RAB18: variants seen among roughly 807,000 people sequenced by gnomAD.
The protein encoded by RAB18 is RAB18, member RAS oncogene family, also known as ras-related protein Rab-18.
In RAB18, 10 loss-of-function variants were observed where a neutral mutation model predicts 28.5. That is an observed-to-expected ratio of 0.35 (90% CI 0.22 to 0.60). The LOEUF (loss-of-function observed/expected upper bound fraction) is 0.60. Ranked by LOEUF, RAB18 falls within the 20% of genes least tolerant of loss-of-function variation. The probability of loss-of-function intolerance (pLI) is 0.78; values close to 1 mark genes in which losing one functional copy is unlikely to be tolerated. For synonymous variants in RAB18, 93 were observed against 86.9 expected, an observed-to-expected ratio of 1.07 and a Z score of -0.39; for missense variants, 188 against 244.2, an observed-to-expected ratio of 0.77 and a Z score of 1.53.
chr10:27,518,659 A>G (rs1477813932), intron 2 of RAB18, among the ~76,000 whole-genome samples: 2 of 151,978 alleles, frequency 1.3e-5, no homozygotes, highest in Non-Finnish European at 2.9e-5. Context: ...TATATTCTGC[A>G]TTTAAGTCTG....
At chr10:27,504,705 G>A (rs1414876404) in intron 1 of RAB18, 1 of 694,734 alleles carries the variant, frequency 1.4e-6, no homozygotes, top group Non-Finnish European at 2.7e-6. Context: ...CCATTCCGAG[G>A]GCCGCCGCTC....
rs1455217397 is a variant in RAB18, at chr10:27,537,897, A to G, written c.467A>G (p.Asp156Gly). Reference protein sequence around the residue: ...LFIEASAKTCDGVQCAFEELV... With the variant: ...LFIEASAKTCGGVQCAFEELV... ...TCAGAGGCAAGTGCAAAAACCTGTG[A>G]TGGTGTACAATGTGCCTTTGAAGAA... Residue 156 changes from aspartate (D) to glycine (G), a missense_variant, in exon 7 of 7, where the codon GAT becomes GGT. Physicochemically the swap from Asp to Gly is moderately conservative, Grantham distance 94 (BLOSUM62 -1). Coordinates refer to ENST00000356940, the MANE Select transcript of RAB18 (RefSeq NM_021252.5). 6.2e-7 allele frequency: 1 copy of G among 1,614,158 alleles called. No homozygotes were observed. The highest frequency in any genetic ancestry group is 8.5e-7 in the Non-Finnish European group (1 of 1,180,008).
chr10:27,536,070 A>G (rs1054842999), intron 6 of RAB18, among the ~76,000 whole-genome samples: 7 of 117,376 alleles, frequency 6.0e-5, no homozygotes, highest in Non-Finnish European at 1.2e-4. Flanking sequence ...CGACAGAGCG[A>G]GACTCTGTCT....
At chr10:27,518,868 T>A (rs1834490437) in intron 2 of RAB18, among the ~76,000 whole-genome samples, 1 of 152,106 alleles carries the variant, frequency 6.6e-6, no homozygotes, top group Admixed American at 6.5e-5. Flanking sequence ...TCCCCTATAT[T>A]TTCTTCCAGA....
At chr10:27,536,185 A>G (rs913733002) in intron 6 of RAB18, among the ~76,000 whole-genome samples, 4 of 152,108 alleles carry the variant, frequency 2.6e-5, no homozygotes, top group African/African-American at 4.8e-5. Flanking sequence ...TTGAGATAAG[A>G]GCAGGTTTAG....
chr10:27,525,054 A>G (rs1834644775), intron 2 of RAB18, among the ~76,000 whole-genome samples: 3 of 152,238 alleles, frequency 2.0e-5, no homozygotes, highest in African/African-American at 7.2e-5. Flanking sequence ...ATCCACATGC[A>G]AATTATTCTT....
In RAB18 at chr10:27,532,520, A is replaced by C; in HGVS notation, c.200A>C (p.Gln67Pro). 1.2e-6 allele frequency: 2 copies of C among 1,603,360 alleles called. No individual in the cohort carries two copies. Among genetic ancestry groups the C allele is most frequent in the Non-Finnish European group, 1.7e-6 (2 of 1,171,318 alleles). ...GATCATTTTTAGGATACTGCTGGTC[A>C]AGAGAGGTTTAGAACATTAACTCCC... ...AKLAIWDTAGQERFRTLTPSY... is the reference protein window; with the variant it reads ...AKLAIWDTAGPERFRTLTPSY... The change falls in exon 4 of 7, where the codon CAA (glutamine) becomes CCA (proline). Residue 67 changes from glutamine to proline, a missense_variant. Coordinates refer to ENST00000356940, the MANE Select transcript of RAB18 (RefSeq NM_021252.5).
intron 1 of RAB18, 96 bp from the exon 2 acceptor site, chr10:27,509,779 T>C: frequency 1.0e-6 from 1 of 991,206 alleles, no homozygotes; most frequent in Non-Finnish European, 1.6e-6. Flanking sequence ...TATTTTTATC[T>C]GCATCTAATA....
chr10:27,519,819 C>G lies in RAB18; in HGVS notation c.125-7009C>G, dbSNP rs576289703. On this transcript the variant is annotated intron_variant, in intron 2 of 6. Coordinates refer to ENST00000356940, the MANE Select transcript of RAB18 (RefSeq NM_021252.5). ...AGGCTTTTATTTTTAAATCAACAAG[C>G]TGATTCTAAAATTCACTAGGAAATG... Among the ~76,000 whole-genome samples, 15 of 152,196 alleles carry G rather than the reference C, an allele frequency of 9.9e-5. No homozygotes were observed. The South Asian group carries it at 3.1e-3, about 32-fold the overall frequency.
At chr10:27,526,392 T>A (rs1296478147) in intron 2 of RAB18, among the ~76,000 whole-genome samples, 1 of 152,196 alleles carries the variant, frequency 6.6e-6, no homozygotes, top group African/African-American at 2.4e-5. Flanking sequence ...AGTCAAGATC[T>A]GAGTTAGTGG....
intron 3 of RAB18, chr10:27,531,615 C>T (rs1469669886): frequency 1.1e-5 from 10 of 880,836 alleles, no homozygotes; most frequent in South Asian, 5.6e-5. Context: ...TGTGGCAATA[C>T]GTAAGCAAAT....
chr10:27,529,049 A>G (rs1834736162), intron 3 of RAB18, among the ~76,000 whole-genome samples: 1 of 152,062 alleles, frequency 6.6e-6, no homozygotes. Context: ...GTCTTTATAT[A>G]ATAAAATTAT....
intron 2 of RAB18, among the ~76,000 whole-genome samples, chr10:27,517,061 C>T (rs548893391): frequency 6.6e-6 from 1 of 152,118 alleles, no homozygotes; most frequent in East Asian, 1.9e-4. Flanking sequence ...CTTCAAAACA[C>T]AAGAAAAGAA....
intron 2 of RAB18, among the ~76,000 whole-genome samples, chr10:27,524,372 G>A (rs9651381): frequency 0.034 from 5,148 of 152,236 alleles, 278 homozygotes; most frequent in African/African-American, 0.12. Context: ...TCAACAAGAT[G>A]TGTGCTTCTG....
At position 27,541,393 on chromosome 10, in the gene RAB18, T is replaced by C. The variant is rs974177751; in HGVS notation, c.*3342T>C. ...TCTCCTCAGTTGGGAACATCTATCA[T>C]GCTGGAGGACTACTGTGATGGGGCT... On this transcript the variant is annotated 3_prime_UTR_variant, in exon 7 of 7. Transcript: ENST00000356940. 3 of 453,802 alleles carry C rather than the reference T, an allele frequency of 6.6e-6. No individual in the cohort carries two copies. The highest frequency in any genetic ancestry group is 4.4e-6 in the Non-Finnish European group (1 of 226,750). The allele number at this position is 453,802 out of a possible 1,614,324, so 28.1% of individuals were successfully genotyped here. A position where few individuals can be genotyped will look rare whatever the true frequency, so the allele number is the denominator to read the frequency against.
Position 27,504,333 on chromosome 10 carries a change from G to C in RAB18, c.-37G>C, listed in dbSNP as rs1353686517. 1.3e-6 allele frequency: 2 copies of C among 1,558,482 alleles called. No homozygotes were observed. Among genetic ancestry groups the C allele is most frequent in the Admixed American group, 3.9e-5 (2 of 51,550 alleles). ...TGCTGAAGGGCTGAGAGGCGCACCCGGGCGGCCAGCTGGGCTCGGAGCGGA... is the reference window on the plus strand; with the variant it reads ...TGCTGAAGGGCTGAGAGGCGCACCCCGGCGGCCAGCTGGGCTCGGAGCGGA... On this transcript the variant is annotated 5_prime_UTR_variant, in exon 1 of 7. Transcript: ENST00000356940.
At chr10:27,535,833 T>C (rs1834882786) in intron 6 of RAB18, among the ~76,000 whole-genome samples, 1 of 152,100 alleles carries the variant, frequency 6.6e-6, no homozygotes, top group South Asian at 2.1e-4. Flanking sequence ...ACGCCTGTAA[T>C]CTCAGCACTT....
rs1040069995 is a variant in RAB18 at position 27,541,948 on chromosome 10, C to G, written c.*3897C>G. The stretch of plus-strand genomic sequence containing the variant: ...CCCCACTTCCCCAGTAGCAATGGTT[C>G]AGGGGTAGGCACCTGACCCAGACCA... On this transcript the variant is annotated 3_prime_UTR_variant, in exon 7 of 7. Coordinates refer to ENST00000356940, the MANE Select transcript of RAB18 (RefSeq NM_021252.5). The G allele has an allele frequency of 3.3e-5, 15 of 453,718 alleles. No individual in the cohort carries two copies. Among genetic ancestry groups the G allele is most frequent in the Non-Finnish European group, 5.3e-5 (12 of 226,766 alleles). The allele number at this position is 453,718 out of a possible 1,614,324, so 28.1% of individuals were successfully genotyped here. A position where few individuals can be genotyped will look rare whatever the true frequency, so the allele number is the denominator to read the frequency against.
intron 2 of RAB18, among the ~76,000 whole-genome samples, chr10:27,512,994 A>G (rs189031548): frequency 6.7e-6 from 1 of 150,246 alleles, no homozygotes; most frequent in Non-Finnish European, 1.5e-5. Context: ...GCATCAGATT[A>G]CTTTCAGCCT....
Sources: allele counts gnomAD v4.1 joint callset (sites outside exome capture counted in the v4.1 genomes callset), GRCh38; gene constraint gnomAD v4.1.1; transcripts MANE v1.5; gene names NCBI Gene and HGNC (gene_info 2026-07-23, HGNC 2026-07-21).